The following EDIL3 variants were observed in gnomAD, a reference collection of about 807,000 sequenced individuals.
The protein encoded by EDIL3 is EGF-like repeat and discoidin I-like domain-containing protein 3.
Under a neutral mutation model 67.4 loss-of-function variants are expected in EDIL3, and 37 were observed. That is an observed-to-expected ratio of 0.55 (90% confidence interval 0.42 to 0.72). The LOEUF is 0.72. Among genes scored for constraint, EDIL3 ranks in the 30% least tolerant of loss-of-function variants. EDIL3 has a pLI of 0.00. For synonymous variants in EDIL3, 195 were observed against 196.3 expected (o/e 0.99, Z 0.05); for missense variants, 527 against 586.3 (o/e 0.90, Z 1.04).
chr5:84,248,993 T>C (rs191173835), intron 2 of EDIL3, among the ~76,000 whole-genome samples: 1 of 152,290 alleles, frequency 6.6e-6, no homozygotes, highest in Admixed American at 6.5e-5. Flanking sequence ...CTCTTGTTTT[T>C]CTTAGTAAAA....
At chr5:84,157,029 A>G (rs1748504629) in intron 4 of EDIL3, among the ~76,000 whole-genome samples, 1 of 152,176 alleles carries the variant, frequency 6.6e-6, no homozygotes, top group South Asian at 2.1e-4. Flanking sequence ...CATGCCAGAA[A>G]TTAACCATGA....
At chr5:84,058,190 C>T (rs1746481875) in intron 9 of EDIL3, among the ~76,000 whole-genome samples, 1 of 151,976 alleles carries the variant, frequency 6.6e-6, no homozygotes, top group African/African-American at 2.4e-5. Context: ...GGTTTGAGTA[C>T]AAGCAAATTT....
intron 2 of EDIL3, among the ~76,000 whole-genome samples, chr5:84,232,016 T>C (rs888220730): frequency 1.3e-5 from 2 of 152,186 alleles, no homozygotes; most frequent in Non-Finnish European, 2.9e-5. Flanking sequence ...GACTGAACAA[T>C]CTGTGTGAGT....
At chr5:84,346,789 G>T (rs944622069) in intron 1 of EDIL3, among the ~76,000 whole-genome samples, 6 of 148,822 alleles carry the variant, frequency 4.0e-5, no homozygotes, top group African/African-American at 1.5e-4. Context: ...CTAATAAGAT[G>T]TATGTCTAGA....
At chr5:84,076,108 A>G (rs1746852177) in intron 6 of EDIL3, among the ~76,000 whole-genome samples, 2 of 151,830 alleles carry the variant, frequency 1.3e-5, no homozygotes, top group Admixed American at 1.3e-4. Context: ...AAAAACAAAC[A>G]AAAATTTACT....
rs141620621 is a variant in EDIL3, at chr5:84,136,646, T to A, written c.469+595A>T. Reference sequence around the variant, plus strand: ...TAGCGTGTGGGACGGCCCAAATGCATCCTCCTTTATTTTTACGTTTTATTT... The same window carrying A: ...TAGCGTGTGGGACGGCCCAAATGCAACCTCCTTTATTTTTACGTTTTATTT... On this transcript the variant is annotated intron_variant, in intron 5 of 10. Transcript: ENST00000296591. Among the ~76,000 whole-genome samples, 732 of 152,270 alleles carry A rather than the reference T, an allele frequency of 4.8e-3. 8 individuals are homozygous for A. The highest frequency in any genetic ancestry group is 0.017 in the African/African-American group (704 of 41,554).
chr5:84,070,604 AGAGTGTGT>A (rs1746721754), intron 6 of EDIL3, among the ~76,000 whole-genome samples: 2 of 114,436 alleles, frequency 1.7e-5, no homozygotes, highest in South Asian at 2.9e-4. Flanking sequence ...ACTATGGTTA[AGAGTGTGT>A]GTGTGTGTGT....
chr5:83,962,978 T>C (rs546875751), intron 10 of EDIL3, among the ~76,000 whole-genome samples: 1 of 151,810 alleles, frequency 6.6e-6, no homozygotes, highest in African/African-American at 2.4e-5. Flanking sequence ...ATTAATAGTA[T>C]GAAAAATATT....
intron 9 of EDIL3, among the ~76,000 whole-genome samples, chr5:84,002,676 CA>C (rs1374424954): frequency 2.6e-5 from 4 of 152,218 alleles, no homozygotes; most frequent in Admixed American, 1.3e-4. Flanking sequence ...AAAGTAATCA[CA>C]TTTATGATAG....
chr5:84,359,617 G>T (rs1161799182), intron 1 of EDIL3, among the ~76,000 whole-genome samples: 1 of 152,130 alleles, frequency 6.6e-6, no homozygotes, highest in African/African-American at 2.4e-5. Context: ...AGCTAGAATT[G>T]ACTTGAAACT....
intron 4 of EDIL3, among the ~76,000 whole-genome samples, chr5:84,143,747 T>C (rs1461735631): frequency 1.3e-5 from 2 of 152,030 alleles, no homozygotes; most frequent in South Asian, 2.1e-4. Context: ...TTGATGACTT[T>C]AAATATATAT....
intron 1 of EDIL3, among the ~76,000 whole-genome samples, chr5:84,272,111 G>A (rs544271269): frequency 6.6e-6 from 1 of 152,116 alleles, no homozygotes; most frequent in South Asian, 2.1e-4. Flanking sequence ...AGCCTTCATC[G>A]GCTTTCTTGT....
intron 3 of EDIL3, chr5:84,181,333 G>A (rs1250933368): frequency 1.3e-5 from 2 of 152,188 alleles, no homozygotes; most frequent in East Asian, 3.9e-4. Context: ...GATCTGCTGT[G>A]GCAGCATTTA....
At chr5:84,190,663 T>C (rs1385410686) in intron 3 of EDIL3, among the ~76,000 whole-genome samples, 2 of 151,130 alleles carry the variant, frequency 1.3e-5, no homozygotes, top group African/African-American at 2.4e-5. Flanking sequence ...CTATTTCACA[T>C]AGTGTCTCTA....
chr5:84,033,385 A>G (rs1045198183), intron 9 of EDIL3, among the ~76,000 whole-genome samples: 1 of 152,168 alleles, frequency 6.6e-6, no homozygotes, highest in Admixed American at 6.6e-5. Flanking sequence ...ATTGTTCTAG[A>G]CAATCTACAA....
intron 1 of EDIL3, among the ~76,000 whole-genome samples, chr5:84,307,879 T>C: frequency 6.6e-6 from 1 of 152,106 alleles, no homozygotes. Flanking sequence ...AAATTTGGGT[T>C]TGAAAATAGT....
intron 4 of EDIL3, among the ~76,000 whole-genome samples, chr5:84,138,045 A>G (rs1333009762): frequency 6.6e-6 from 1 of 152,228 alleles, no homozygotes; most frequent in African/African-American, 2.4e-5. Context: ...CTAATTTTGG[A>G]CAACAGAGAA....
intron 9 of EDIL3, among the ~76,000 whole-genome samples, chr5:84,000,161 A>C (rs1313775892): frequency 6.6e-6 from 1 of 152,194 alleles, no homozygotes. Context: ...GTAGTTCTTC[A>C]ACCAGAAAAA....
chr5:84,178,892 G>C (rs1748968082), intron 4 of EDIL3, among the ~76,000 whole-genome samples: 1 of 152,006 alleles, frequency 6.6e-6, no homozygotes, highest in African/African-American at 2.4e-5. Flanking sequence ...TGTATTAAGG[G>C]GAAAGATTTC....
Sources: allele counts gnomAD v4.1 joint callset (sites outside exome capture counted in the v4.1 genomes callset), GRCh38; gene constraint gnomAD v4.1.1; transcripts MANE v1.5; gene names NCBI Gene and HGNC (gene_info 2026-07-23, HGNC 2026-07-21).